CEP170B: variants seen among roughly 807,000 people sequenced by gnomAD.
CEP170B encodes the protein centrosomal protein of 170 kDa protein B.
A neutral mutation model predicts 120.6 loss-of-function variants in CEP170B; 55 were observed. That is an observed-to-expected ratio of 0.46 (90% CI 0.37 to 0.57). CEP170B has a LOEUF of 0.57. CEP170B is among the 20% of genes least tolerant of loss of function. The probability of loss-of-function intolerance (pLI) is 0.00; values close to 1 mark genes in which losing one functional copy is unlikely to be tolerated. For missense variants in CEP170B, 2,212 were observed against 2,253.3 expected (o/e 0.98, Z 0.37); for synonymous variants, 1,033 against 954.5 (o/e 1.08, Z -1.52).
Position 104,893,821 on chromosome 14 carries a change from AAC to A in CEP170B, c.4247_4248del (p.Thr1416ArgfsTer38), listed in dbSNP as rs752401182. On this transcript the variant is annotated frameshift_variant, in exon 16 of 19. Coordinates refer to ENST00000414716, the MANE Select transcript of CEP170B (RefSeq NM_001112726.3). LOFTEE classifies it high-confidence loss of function. ...VSQLSQAIRENTEHLAEKMKI... is the reference protein window; with the variant it reads ...VSQLSQAIREXTEHLAEKMKI... ...CCAGCTGTCGCAGGCCATCCGTGAGAACACAGAGCACCTTGCCGAGAAGATGA... is the reference window on the plus strand; with the variant it reads ...CCAGCTGTCGCAGGCCATCCGTGAGAACAGAGCACCTTGCCGAGAAGATGA... The A allele has an allele frequency of 6.2e-7, 1 of 1,612,570 alleles. No individual in the cohort carries two copies. The highest frequency in any genetic ancestry group is 8.5e-7 in the Non-Finnish European group (1 of 1,179,702).
chr14:104,890,902 G>GGGATGGATGGAT (rs1318451155), intron 13 of CEP170B, among the ~76,000 whole-genome samples: 2 of 102,688 alleles, frequency 1.9e-5, no homozygotes, highest in African/African-American at 3.7e-5. Context: ...GGTGGATGGA[G>GGGATGGATGGAT]GGATGGATGG....
intron 9 of CEP170B, 119 bp downstream of exon 9, chr14:104,884,668 G>C: frequency 1.5e-6 from 1 of 650,706 alleles, no homozygotes; most frequent in Non-Finnish European, 2.4e-6. Context: ...CGGGGGTGGC[G>C]AGTGAGAGCC....
chr14:104,887,963 G>A lies in CEP170B; in HGVS notation c.3724G>A (p.Ala1242Thr). ...CTTCAGCAGGGCCCGCTCAGGCAGT[G>A]CCCGATACACCTCCAGTGAGTGCCA... ...QPFSRARSGS[A>T]RYTSTTQTPR... The change falls in exon 12 of 19, where the codon GCC becomes ACC. Residue 1242 changes from alanine to threonine, a missense_variant. Physicochemically the swap from Ala to Thr is moderately conservative, Grantham distance 58. This residue lies in a region of CEP170B where 2,166 missense variants were observed against 2,166.7 expected (regional missense o/e 1.00). Coordinates refer to ENST00000414716, the MANE Select transcript of CEP170B (RefSeq NM_001112726.3). 6.6e-7 allele frequency: 1 copy of A among 1,514,404 alleles called. No homozygotes were observed. Among genetic ancestry groups the A allele is most frequent in the Non-Finnish European group, 8.8e-7 (1 of 1,132,518 alleles). The allele number at this position is 1,514,404 out of a possible 1,614,324, so 93.8% of individuals were successfully genotyped here.
chr14:104,871,376 GCCACCC>G (rs1046109794), intron 2 of CEP170B, among the ~76,000 whole-genome samples: 1 of 141,430 alleles, frequency 7.1e-6, no homozygotes, highest in Admixed American at 7.1e-5. Flanking sequence ...TCTGCTCAGT[GCCACCC>G]CCACCCCCAC....
rs1595359454 is a variant in CEP170B, at chr14:104,891,102, A to AG, written c.3878+1348dup. On this transcript the variant is annotated intron_variant, in intron 13 of 18. Coordinates refer to ENST00000414716, the MANE Select transcript of CEP170B (RefSeq NM_001112726.3). The surrounding 1 kb of genome is among the most constrained non-coding windows in gnomAD (Gnocchi z 4.3). Reference sequence around the variant, plus strand: ...GGATGGAGAGTGAGTGGGTGGATGGAGGGGTGGGTGGATGCAGATCTTCCC... The same window carrying AG: ...GGATGGAGAGTGAGTGGGTGGATGGAGGGGGTGGGTGGATGCAGATCTTCCC... 6.9e-6 allele frequency among the ~76,000 whole-genome samples: 1 copy of AG among 145,974 alleles called. No homozygotes were observed. The highest frequency in any genetic ancestry group is 2.6e-5 in the African/African-American group (1 of 39,150).
At position 104,884,239 on chromosome 14, in the gene CEP170B, C is replaced by T. The variant is rs1198591131; in HGVS notation, c.1460C>T (p.Ala487Val). 2 of 1,544,282 alleles carry T rather than the reference C, an allele frequency of 1.3e-6. No homozygotes were observed. The highest frequency in any genetic ancestry group is 1.7e-6 in the Non-Finnish European group (2 of 1,147,070). ...GSPSPASRTP[A>V]RPFGSVGRRS... ...CCCTCGCCCGCCTCCCGAACCCCTG[C>T]CCGCCCCTTCGGAAGCGTGGGGCGC... is the stretch of plus-strand genomic sequence containing the variant. Residue 487 changes from alanine (A) to valine (V), a missense_variant, in exon 9 of 19, where the codon GCC becomes GTC. Coordinates refer to ENST00000414716, the MANE Select transcript of CEP170B (RefSeq NM_001112726.3).
At chr14:104,889,148 C>A (rs926190969) in intron 12 of CEP170B, among the ~76,000 whole-genome samples, 1 of 152,206 alleles carries the variant, frequency 6.6e-6, no homozygotes, top group African/African-American at 2.4e-5. Flanking sequence ...GTGGTCCAGC[C>A]TGGGCCGCAG....
chr14:104,876,909 G>A (rs1256707983), intron 3 of CEP170B, among the ~76,000 whole-genome samples: 3 of 152,242 alleles, frequency 2.0e-5, no homozygotes, highest in African/African-American at 7.2e-5. Flanking sequence ...GCAGGGTTGG[G>A]GGGTCAGGTG....
At chr14:104,882,008 A>G (rs1896182384) in intron 6 of CEP170B, among the ~76,000 whole-genome samples, 1 of 151,976 alleles carries the variant, frequency 6.6e-6, no homozygotes, top group African/African-American at 2.4e-5. Flanking sequence ...TTCCGCAAGG[A>G]TGGAAAGAGC....
rs1895437811 is a variant in CEP170B, at chr14:104,870,781, C to T, written c.105+2226C>T. The stretch of plus-strand genomic sequence containing the variant: ...AGTGGCCGCCCCTGGCCTGGGTGGG[C>T]CTGCATTTCTACCCCTCGCTGTTGT... On this transcript the variant is annotated intron_variant, in intron 2 of 18. Transcript: ENST00000414716. The surrounding 1 kb of genome is among the most constrained non-coding windows in gnomAD (Gnocchi z 4.1). Among the ~76,000 whole-genome samples, 1 of 152,014 alleles carries T rather than the reference C, an allele frequency of 6.6e-6. No homozygotes were observed. The highest frequency in any genetic ancestry group is 1.5e-5 in the Non-Finnish European group (1 of 67,984).
At chr14:104,877,832 A>ACCCCCCCCCCCCCCCC in intron 3 of CEP170B, 53 bp from the exon 4 acceptor site, 2 of 307,618 alleles carry the variant, frequency 6.5e-6, no homozygotes, top group South Asian at 3.8e-5. Flanking sequence ...CCCTGCCCAC[A>ACCCCCCCCCCCCCCCC]GCCACCCACC....
In CEP170B at chr14:104,877,863, C is replaced by G. The variant is rs770473202; in HGVS notation, c.196-22C>G. On this transcript the variant is annotated intron_variant, in intron 3 of 18. Coordinates refer to ENST00000414716, the MANE Select transcript of CEP170B (RefSeq NM_001112726.3). ...CCACCCGCGCAGCTCCCCCCCCCCC[C>G]CCGCCACCTGTTTTCCTGCAGACGT... is the stretch of plus-strand genomic sequence containing the variant. The G allele has an allele frequency of 1.1e-4, 123 of 1,167,034 alleles. 10 individuals carry two copies. Among genetic ancestry groups the G allele is most frequent in the African/African-American group, 4.5e-4 (27 of 60,406 alleles). The allele number at this position is 1,167,034 out of a possible 1,614,324, so 72.3% of individuals were successfully genotyped here.
chr14:104,884,682 G>C (rs375279602), intron 9 of CEP170B, 133 bp downstream of exon 9: 2 of 474,010 alleles, frequency 4.2e-6, no homozygotes, highest in Non-Finnish European at 3.6e-6. Flanking sequence ...GAGAGCCCTC[G>C]TGGGGAACGG....
At position 104,886,567 on chromosome 14, in the gene CEP170B, G is replaced by A; in HGVS notation, c.2328G>A (p.Gly776=). 1 of 1,510,770 alleles carries A rather than the reference G, an allele frequency of 6.6e-7. No homozygotes were observed. Among genetic ancestry groups the A allele is most frequent in the Non-Finnish European group, 8.8e-7 (1 of 1,133,396 alleles). The allele number at this position is 1,510,770 out of a possible 1,614,324, so 93.6% of individuals were successfully genotyped here. A position where few individuals can be genotyped will look rare whatever the true frequency, so the allele number is the denominator to read the frequency against. ...GCAGACGCAGGAGCCCCCAGGAGGG[G>A]CCCACGTGGAGCAGGGGTCGGCGCT... ...QDSRRRSPQE[G]PTWSRGRRSP... Residue 776 remains glycine, a synonymous_variant, in exon 12 of 19, where the codon GGG becomes GGA. Transcript: ENST00000414716.
Position 104,893,829 on chromosome 14 carries a change from G to T in CEP170B, c.4251G>T (p.Glu1417Asp). ...CGCAGGCCATCCGTGAGAACACAGA[G>T]CACCTTGCCGAGAAGATGAAGTGAG... Reference protein sequence around the residue: ...QLSQAIRENTEHLAEKMKILF... With the variant: ...QLSQAIRENTDHLAEKMKILF... Residue 1417 changes from glutamate to aspartate, a missense_variant, in exon 16 of 19, where the codon GAG becomes GAT. Transcript: ENST00000414716. 1 of 1,612,480 alleles carries T rather than the reference G, an allele frequency of 6.2e-7. No homozygotes were observed. Among genetic ancestry groups the T allele is most frequent in the Middle Eastern group, 1.7e-4 (1 of 6,060 alleles).
chr14:104,891,219 C>T lies in CEP170B; in HGVS notation c.3878+1461C>T, dbSNP rs1008848318. 1.3e-5 allele frequency among the ~76,000 whole-genome samples: 2 copies of T among 152,228 alleles called. No individual in the cohort carries two copies. The highest frequency in any genetic ancestry group is 6.5e-5 in the Admixed American group (1 of 15,298). On this transcript the variant is annotated intron_variant, in intron 13 of 18. Transcript: ENST00000414716. This position sits in a 1 kb window ranked among gnomAD's most constrained non-coding sequence, Gnocchi z 4.3. ...CATGGTCATTCAGTAACAGGGCCCT[C>T]TCCAGGCCAGGCGCTGGGGAGGATG...
chr14:104,886,812 G>C lies in CEP170B; in HGVS notation c.2573G>C (p.Gly858Ala). The C allele has an allele frequency of 6.2e-7, 1 of 1,611,326 alleles. No homozygotes were observed. Among genetic ancestry groups the C allele is most frequent in the Non-Finnish European group, 8.5e-7 (1 of 1,179,816 alleles). The part of the protein sequence containing the change: ...LRPGRSPEPD[G>A]PAPAFLRQES... ...CCTGGACGGTCCCCAGAACCCGACG[G>C]CCCTGCCCCAGCCTTTCTCCGGCAA... Residue 858 changes from glycine (G) to alanine (A), a missense_variant, in exon 12 of 19, where the codon GGC becomes GCC. By Grantham distance (60) the Gly-to-Ala change is moderately conservative (BLOSUM62 0). Around this residue, in one of 2 missense-constraint regions of CEP170B, gnomAD observed 2,166 missense variants for 2,166.7 expected, o/e 1.00. Transcript: ENST00000414716.
intron 6 of CEP170B, 54 bp from the exon 7 acceptor site, chr14:104,882,674 T>G: frequency 6.8e-7 from 1 of 1,463,416 alleles, no homozygotes; most frequent in Non-Finnish European, 9.4e-7. Context: ...GTTCTCTGCT[T>G]TTCACACTGG....
At chr14:104,866,209 C>G (rs900567727) in intron 1 of CEP170B, among the ~76,000 whole-genome samples, 1 of 152,262 alleles carries the variant, frequency 6.6e-6, no homozygotes, top group Non-Finnish European at 1.5e-5. Context: ...GGTGGGCGGC[C>G]GGGGCAGTGG....
Sources: allele counts gnomAD v4.1 joint callset (sites outside exome capture counted in the v4.1 genomes callset), GRCh38; gene constraint gnomAD v4.1.1; regional missense constraint gnomAD v4.1.1; non-coding constraint Gnocchi (gnomAD v3.1); transcripts MANE v1.5; gene names NCBI Gene and HGNC (gene_info 2026-07-23, HGNC 2026-07-21).